The following CRISP2 variants were observed in gnomAD, a reference collection of about 807,000 sequenced individuals.
CRISP2 encodes the protein cysteine-rich secretory protein 2.
Under a neutral mutation model 31.7 loss-of-function variants are expected in CRISP2, and 29 were observed. The observed-to-expected ratio is 0.92, with a 90% CI of 0.68 to 1.25. CRISP2 has a LOEUF of 1.25. Among genes scored for constraint, CRISP2 ranks in the 50% most tolerant of loss-of-function variants. The probability of loss-of-function intolerance (pLI) is 0.00; values close to 1 mark genes in which losing one functional copy is unlikely to be tolerated. For missense variants in CRISP2, 318 were observed against 286.5 expected, an observed-to-expected ratio of 1.11 and a Z score of -0.79; for synonymous variants, 111 against 101.4, an observed-to-expected ratio of 1.09 and a Z score of -0.57.
chr6:49,701,222 T>C (rs1391734456), intron 4 of CRISP2, among the ~76,000 whole-genome samples: 1 of 151,958 alleles, frequency 6.6e-6, no homozygotes, highest in African/African-American at 2.4e-5. Flanking sequence ...GGTGCACCCA[T>C]CACCCCAGCA....
the CRISP2 span, among the ~76,000 whole-genome samples, chr6:49,685,272 G>A: frequency 2.0e-5 from 3 of 152,144 alleles, no homozygotes; most frequent in African/African-American, 4.8e-5. Context: ...CCGCCCTTTG[G>A]TGTTACACTG....
At chr6:49,699,328 C>A (rs1413902210) in intron 6 of CRISP2, among the ~76,000 whole-genome samples, 1 of 151,742 alleles carries the variant, frequency 6.6e-6, no homozygotes, top group Non-Finnish European at 1.5e-5. Flanking sequence ...CACTTTAGAG[C>A]AAAACTTAGG....
At chr6:49,713,776 G>A (rs1768435214), upstream of CRISP2, among the ~76,000 whole-genome samples, 1 of 152,176 alleles carries the variant, frequency 6.6e-6, no homozygotes, top group Admixed American at 6.5e-5. Flanking sequence ...TCGCATACCT[G>A]CGCCGTACTA....
intron 8 of CRISP2, among the ~76,000 whole-genome samples, chr6:49,696,358 A>G (rs1000128221): frequency 7.2e-5 from 11 of 152,254 alleles, no homozygotes; most frequent in African/African-American, 2.6e-4. Context: ...ATCATTTTCC[A>G]TTTGAAAAAT....
intron 3 of CRISP2, among the ~76,000 whole-genome samples, chr6:49,710,254 C>A (rs549607716): frequency 1.3e-5 from 2 of 152,244 alleles, no homozygotes; most frequent in Non-Finnish European, 2.9e-5. Flanking sequence ...CAATTATTGA[C>A]GGTTCATGGA....
intron 4 of CRISP2, among the ~76,000 whole-genome samples, chr6:49,702,105 A>ATACTTATATAT (rs1434587421): frequency 1.6e-5 from 1 of 60,798 alleles, no homozygotes; most frequent in Non-Finnish European, 2.9e-5. Context: ...TTATATATGT[A>ATACTTATATAT]TACTTATATA....
chr6:49,682,460 T>G, the CRISP2 span, among the ~76,000 whole-genome samples: 2 of 120,494 alleles, frequency 1.7e-5, no homozygotes, highest in East Asian at 2.9e-4. Flanking sequence ...TCCTTCCTTC[T>G]TCCCCATCCC....
intron 9 of CRISP2, among the ~76,000 whole-genome samples, chr6:49,694,394 C>A (rs1234403360): frequency 6.6e-6 from 1 of 152,184 alleles, no homozygotes; most frequent in Non-Finnish European, 1.5e-5. Context: ...CCCACTGGGG[C>A]AGTGGATTCC....
the CRISP2 span, among the ~76,000 whole-genome samples, chr6:49,682,603 C>A: frequency 1.6e-5 from 1 of 62,394 alleles, no homozygotes; most frequent in African/African-American, 1.1e-4. Context: ...TTCTTTCTTT[C>A]TTTCTTTCTT....
At chr6:49,706,866 G>C (rs1365257137) in intron 4 of CRISP2, among the ~76,000 whole-genome samples, 1 of 152,096 alleles carries the variant, frequency 6.6e-6, no homozygotes, top group Non-Finnish European at 1.5e-5. Context: ...GACTGATCGT[G>C]GACGCCACTG....
Position 49,699,897 on chromosome 6 carries a change from C to G in CRISP2, c.184-6G>C. 1.9e-6 allele frequency: 3 copies of G among 1,611,212 alleles called. No individual in the cohort carries two copies. Among genetic ancestry groups the G allele is most frequent in the Non-Finnish European group, 2.5e-6 (3 of 1,178,268 alleles). On this transcript the variant is annotated splice_polypyrimidine_tract_variant and splice_region_variant and intron_variant, in intron 5 of 9. Transcript: ENST00000339139. Reference sequence around the variant, plus strand: ...GTTACCTCTCTGCTCCATTCCTAAACGTCACAAGAAAACAAAATACACTTA... The same window carrying G: ...GTTACCTCTCTGCTCCATTCCTAAAGGTCACAAGAAAACAAAATACACTTA...
rs1229194782 is a variant in CRISP2 at position 49,692,897 on chromosome 6, T to A, written c.608A>T (p.Asn203Ile). The A allele has an allele frequency of 6.2e-7, 1 of 1,613,268 alleles. No homozygotes were observed. Among genetic ancestry groups the A allele is most frequent in the African/African-American group, 1.3e-5 (1 of 75,036 alleles). The change falls in exon 10 of 10, where the codon AAT becomes ATT. Residue 203 changes from asparagine to isoleucine, a missense_variant. By Grantham distance (149) the Asn-to-Ile change is moderately radical (BLOSUM62 -3). Transcript: ENST00000339139. ...TAGGAGATCTTGATACTGGCAACTA[T>A]TGGCTGTAACAAAAACAGATTAGTT... is the stretch of plus-strand genomic sequence containing the variant. ...PDDCDKGLCT[N>I]SCQYQDLLSN...
the CRISP2 span, among the ~76,000 whole-genome samples, chr6:49,685,642 T>C: frequency 6.6e-6 from 1 of 152,246 alleles, no homozygotes; most frequent in Non-Finnish European, 1.5e-5. Context: ...AACTCATGTG[T>C]CTATGGTAAA....
downstream of CRISP2, among the ~76,000 whole-genome samples, chr6:49,687,486 A>C (rs1763919904): frequency 6.6e-6 from 1 of 152,164 alleles, no homozygotes; most frequent in African/African-American, 2.4e-5. Context: ...TGAGCTTCTA[A>C]ATTTTCTATG....
At chr6:49,691,519 A>T (rs902300303), downstream of CRISP2, among the ~76,000 whole-genome samples, 8 of 151,944 alleles carry the variant, frequency 5.3e-5, no homozygotes, top group Non-Finnish European at 1.2e-4. Flanking sequence ...TCCTTTTACT[A>T]TATTGCTGAT....
At chr6:49,699,944 A>G in intron 5 of CRISP2, 53 bp from the exon 6 acceptor site, 1 of 1,433,608 alleles carries the variant, frequency 7.0e-7, no homozygotes, top group Non-Finnish European at 9.8e-7. Flanking sequence ...ACAATGAAAC[A>G]TACACTTTAT....
intron 8 of CRISP2, 127 bp downstream of exon 8, chr6:49,697,733 C>G: frequency 6.4e-7 from 1 of 1,552,152 alleles, no homozygotes; most frequent in Middle Eastern, 1.7e-4. Flanking sequence ...CCTTAAAAAA[C>G]ATTTCCAAAC....
the CRISP2 span, among the ~76,000 whole-genome samples, chr6:49,680,719 T>C: frequency 6.6e-6 from 1 of 152,198 alleles, no homozygotes; most frequent in Non-Finnish European, 1.5e-5. Flanking sequence ...CGGTCTCTCA[T>C]TGTGGTTTTG....
At chr6:49,685,160 AAG>A in the CRISP2 span, among the ~76,000 whole-genome samples, 1 of 152,270 alleles carries the variant, frequency 6.6e-6, no homozygotes, top group South Asian at 2.1e-4. Context: ...TGCAGTGATA[AAG>A]ATGGACACTT....
Sources: gnomAD v4.1 joint callset for allele counts (sites outside exome capture counted in the v4.1 genomes callset) on GRCh38, gnomAD v4.1.1 for gene constraint, MANE v1.5 for transcripts, NCBI Gene and HGNC (gene_info 2026-07-23, HGNC 2026-07-21) for gene names.